The following MAMDC2 variants were observed in gnomAD, a reference collection of about 807,000 sequenced individuals.
The protein encoded by MAMDC2 is MAM domain containing 2.
A neutral mutation model predicts 89.8 loss-of-function variants in MAMDC2; 57 were observed. The observed-to-expected ratio is 0.63, with a 90% confidence interval of 0.51 to 0.79. The LOEUF (loss-of-function observed/expected upper bound fraction) is 0.79. Ranked by LOEUF, MAMDC2 falls within the 30% of genes least tolerant of loss-of-function variation. MAMDC2 has a pLI of 0.00. For missense variants in MAMDC2, 800 were observed against 820.6 expected (o/e 0.97, Z 0.31); for synonymous variants, 313 against 293.4 (o/e 1.07, Z -0.68).
At chr9:70,116,293 T>G (rs1244925314) in intron 5 of MAMDC2, among the ~76,000 whole-genome samples, 1 of 152,230 alleles carries the variant, frequency 6.6e-6, no homozygotes, top group Non-Finnish European at 1.5e-5. Flanking sequence ...ATCATCCATT[T>G]GCTTGTGTTA....
At chr9:70,131,378 C>A in intron 6 of MAMDC2, 141 bp from the exon 7 acceptor site, 1 of 609,284 alleles carries the variant, frequency 1.6e-6, no homozygotes, top group Admixed American at 3.4e-5. Context: ...TGCCCAAACT[C>A]ATATTTGGAA....
intron 11 of MAMDC2, among the ~76,000 whole-genome samples, chr9:70,199,982 T>A (rs1259960460): frequency 6.6e-6 from 1 of 152,192 alleles, no homozygotes; most frequent in Non-Finnish European, 1.5e-5. Context: ...TTGCGAAAAT[T>A]TTCTCCCATT....
At chr9:70,196,429 A>C (rs1227329013) in intron 11 of MAMDC2, among the ~76,000 whole-genome samples, 1 of 152,106 alleles carries the variant, frequency 6.6e-6, no homozygotes, top group African/African-American at 2.4e-5. Context: ...TGAAAAGAAA[A>C]CATGTTCCAA....
intron 7 of MAMDC2, among the ~76,000 whole-genome samples, chr9:70,135,248 C>T (rs1179564173): frequency 6.6e-6 from 1 of 152,154 alleles, no homozygotes; most frequent in Admixed American, 6.5e-5. Flanking sequence ...CTTCCAACTG[C>T]CTCTGATTCC....
chr9:70,083,356 AG>A (rs1563945718), intron 2 of MAMDC2: 1 of 152,084 alleles, frequency 6.6e-6, no homozygotes, highest in Non-Finnish European at 1.5e-5. Context: ...TTTGTACTAG[AG>A]TTTTGGAAAA....
At chr9:70,146,729 T>C (rs1049048179) in intron 9 of MAMDC2, among the ~76,000 whole-genome samples, 3 of 152,074 alleles carry the variant, frequency 2.0e-5, no homozygotes, top group Admixed American at 2.0e-4. Context: ...GGTCAGGAGT[T>C]CGAGACCAGC....
intron 11 of MAMDC2, among the ~76,000 whole-genome samples, chr9:70,185,035 G>C (rs1252058920): frequency 6.6e-6 from 1 of 152,170 alleles, no homozygotes. Flanking sequence ...TTTGATATTT[G>C]AAGTTGATGA....
intron 2 of MAMDC2, among the ~76,000 whole-genome samples, chr9:70,076,367 G>A (rs1407580272): frequency 6.6e-6 from 1 of 151,686 alleles, no homozygotes; most frequent in East Asian, 1.9e-4. Flanking sequence ...GTTGCAGTGA[G>A]CCAAGGTCAC....
chr9:70,129,090 CTG>C (rs1258297076), intron 6 of MAMDC2, among the ~76,000 whole-genome samples: 1 of 152,208 alleles, frequency 6.6e-6, no homozygotes, highest in Admixed American at 6.5e-5. Context: ...GATAAGAAAA[CTG>C]AGACCCTGGG....
intron 11 of MAMDC2, among the ~76,000 whole-genome samples, chr9:70,204,039 G>C (rs2033163975): frequency 6.6e-6 from 1 of 151,044 alleles, no homozygotes; most frequent in Non-Finnish European, 1.5e-5. Context: ...ATCGTCTGAA[G>C]CCTTCTTCTC....
At chr9:70,044,806 A>G (rs1203309251) in intron 2 of MAMDC2, 109 bp downstream of exon 2, 2 of 857,172 alleles carry the variant, frequency 2.3e-6, no homozygotes, top group Non-Finnish European at 3.7e-6. Context: ...CCGCGGCAAG[A>G]AAAGTGTGAG....
At chr9:70,184,664 A>G (rs2032712200) in intron 11 of MAMDC2, among the ~76,000 whole-genome samples, 1 of 151,044 alleles carries the variant, frequency 6.6e-6, no homozygotes, top group Non-Finnish European at 1.5e-5. Context: ...CTTCTGCTTG[A>G]TTGATTTGGC....
intron 11 of MAMDC2, chr9:70,217,216 T>TA: frequency 1.2e-6 from 1 of 801,752 alleles, no homozygotes; most frequent in South Asian, 1.3e-5. Flanking sequence ...GCTGTGCAGT[T>TA]TTAGTGGGTA....
intron 2 of MAMDC2, among the ~76,000 whole-genome samples, chr9:70,072,056 A>G (rs898840135): frequency 6.6e-6 from 1 of 152,206 alleles, no homozygotes; most frequent in Admixed American, 6.5e-5. Context: ...AGTTTATTAA[A>G]GATCAGCTGT....
chr9:70,141,109 T>TTC (rs1337819342), intron 8 of MAMDC2, among the ~76,000 whole-genome samples: 2 of 152,208 alleles, frequency 1.3e-5, no homozygotes, highest in Non-Finnish European at 2.9e-5. Flanking sequence ...GGCCCCTGCC[T>TTC]TCTACCAGCC....
intron 11 of MAMDC2, among the ~76,000 whole-genome samples, chr9:70,213,337 C>T (rs745580226): frequency 1.3e-5 from 2 of 152,120 alleles, no homozygotes; most frequent in Non-Finnish European, 2.9e-5. Context: ...AGCTAAGGTC[C>T]TTTACTTTGG....
chr9:70,089,678 C>T (rs1009159744), intron 2 of MAMDC2, among the ~76,000 whole-genome samples: 21 of 152,172 alleles, frequency 1.4e-4, no homozygotes, highest in African/African-American at 5.1e-4. Flanking sequence ...CAAATACAAA[C>T]TCCATATGGT....
chr9:70,058,291 T>C (rs1827068483), intron 2 of MAMDC2, among the ~76,000 whole-genome samples: 1 of 152,172 alleles, frequency 6.6e-6, no homozygotes, highest in Non-Finnish European at 1.5e-5. Context: ...CCCAAAATCA[T>C]AGAGCAAGTT....
chr9:70,059,814 C>T (rs1464571537), intron 2 of MAMDC2, among the ~76,000 whole-genome samples: 2 of 152,182 alleles, frequency 1.3e-5, no homozygotes, highest in African/African-American at 4.8e-5. Context: ...GAAGCCTACA[C>T]TGCCACACCC....
Sources: allele counts gnomAD v4.1 joint callset (sites outside exome capture counted in the v4.1 genomes callset), GRCh38; gene constraint gnomAD v4.1.1; transcripts MANE v1.5; gene names NCBI Gene and HGNC (gene_info 2026-07-23, HGNC 2026-07-21).